CDH13: variants seen among roughly 807,000 people sequenced by gnomAD.
CDH13 encodes cadherin-13.
Under a neutral mutation model 63.8 loss-of-function variants are expected in CDH13, and 24 were observed. The observed-to-expected ratio is 0.38, with a 90% CI of 0.27 to 0.53. The LOEUF (loss-of-function observed/expected upper bound fraction) is 0.53. CDH13 is among the 20% of genes least tolerant of loss of function. The pLI is 0.85. For missense variants in CDH13, 1,049 were observed against 903.1 expected (o/e 1.16, Z -2.07); for synonymous variants, 503 against 355.3 (o/e 1.42, Z -4.67).
At chr16:82,859,440 C>G (rs143102205) in intron 2 of CDH13, 1 of 152,218 alleles carries the variant, frequency 6.6e-6, no homozygotes, top group African/African-American at 2.4e-5. Flanking sequence ...TGCCTATAGT[C>G]CCAGCTACGC....
intron 2 of CDH13, among the ~76,000 whole-genome samples, chr16:82,936,946 A>G (rs527380098): frequency 7.9e-5 from 12 of 152,146 alleles, no homozygotes; most frequent in African/African-American, 1.2e-4. Context: ...CTCCTTTATC[A>G]GGGCCTCTGG....
At chr16:82,645,458 C>A (rs1909981474) in intron 1 of CDH13, among the ~76,000 whole-genome samples, 1 of 152,038 alleles carries the variant, frequency 6.6e-6, no homozygotes, top group Non-Finnish European at 1.5e-5. Context: ...TTTGCAATAT[C>A]TACAGACATG....
intron 2 of CDH13, among the ~76,000 whole-genome samples, chr16:82,889,569 C>A (rs1444622284): frequency 6.6e-6 from 1 of 152,134 alleles, no homozygotes; most frequent in African/African-American, 2.4e-5. Flanking sequence ...TACAATTTTT[C>A]CATGTATCTG....
intron 1 of CDH13, among the ~76,000 whole-genome samples, chr16:82,672,311 G>C (rs1913347547): frequency 6.6e-6 from 1 of 152,098 alleles, no homozygotes; most frequent in Non-Finnish European, 1.5e-5. Context: ...ATTACTCCTT[G>C]ATAGATAGCT....
intron 1 of CDH13, among the ~76,000 whole-genome samples, chr16:82,673,768 C>A (rs16958115): frequency 1.3e-5 from 2 of 152,278 alleles, no homozygotes; most frequent in African/African-American, 4.8e-5. Flanking sequence ...AATGATTGCT[C>A]CACAACTTTA....
intron 4 of CDH13, among the ~76,000 whole-genome samples, chr16:83,160,570 G>C (rs2037405814): frequency 6.6e-6 from 1 of 152,148 alleles, no homozygotes; most frequent in East Asian, 1.9e-4. Flanking sequence ...CTGTCAATGT[G>C]GTGCTCGTGT....
At chr16:82,805,227 T>C (rs1234294832) in intron 1 of CDH13, among the ~76,000 whole-genome samples, 2 of 152,186 alleles carry the variant, frequency 1.3e-5, no homozygotes, top group Non-Finnish European at 2.9e-5. Context: ...AGAGAGGTCT[T>C]GCAACCTAAA....
chr16:82,631,440 AT>A (rs1372751269), intron 1 of CDH13, among the ~76,000 whole-genome samples: 1 of 152,240 alleles, frequency 6.6e-6, no homozygotes, highest in East Asian at 1.9e-4. Context: ...AGAAGGAAAT[AT>A]CCCCCTGTCA....
chr16:83,390,186 C>G (rs373375455), intron 6 of CDH13, among the ~76,000 whole-genome samples: 33 of 149,450 alleles, frequency 2.2e-4, no homozygotes, highest in African/African-American at 7.0e-4. Context: ...CAGAAACACT[C>G]AATTTCATCG....
intron 7 of CDH13, among the ~76,000 whole-genome samples, chr16:83,559,934 GT>G (rs1462125539): frequency 1.3e-5 from 2 of 152,054 alleles, no homozygotes; most frequent in Non-Finnish European, 2.9e-5. Context: ...AGATCAAACA[GT>G]TGGCCAATAT....
chr16:83,510,249 T>C (rs1243670849), intron 7 of CDH13, among the ~76,000 whole-genome samples: 6 of 152,196 alleles, frequency 3.9e-5, no homozygotes, highest in Non-Finnish European at 7.3e-5. Flanking sequence ...TAGTTGGATG[T>C]GTGTAATTTT....
chr16:83,719,939 G>A (rs1254060242), intron 10 of CDH13, among the ~76,000 whole-genome samples: 1 of 152,164 alleles, frequency 6.6e-6, no homozygotes, highest in Non-Finnish European at 1.5e-5. Flanking sequence ...TCCACTGTAG[G>A]AATCTACATC....
chr16:83,063,028 C>T (rs1289121782), intron 3 of CDH13, among the ~76,000 whole-genome samples: 2 of 147,304 alleles, frequency 1.4e-5, no homozygotes, highest in Admixed American at 6.9e-5. Context: ...AGGGTGCGAT[C>T]TCGGCTCACT....
At chr16:83,273,207 G>T (rs1177988928) in intron 5 of CDH13, among the ~76,000 whole-genome samples, 3 of 152,036 alleles carry the variant, frequency 2.0e-5, no homozygotes, top group African/African-American at 7.2e-5. Flanking sequence ...AGGTGCAGGG[G>T]ATACATGTGC....
chr16:83,526,654 T>C (rs1307693887), intron 7 of CDH13, among the ~76,000 whole-genome samples: 1 of 152,208 alleles, frequency 6.6e-6, no homozygotes, highest in Non-Finnish European at 1.5e-5. Context: ...GCCCGGGGGC[T>C]GGCGGCTCCT....
chr16:83,565,065 C>G (rs1191031080), intron 7 of CDH13, among the ~76,000 whole-genome samples: 3 of 152,182 alleles, frequency 2.0e-5, no homozygotes, highest in African/African-American at 7.2e-5. Context: ...TGAGTCTCTC[C>G]CTGCATCACT....
chr16:82,852,287 A>G (rs577375756), intron 1 of CDH13, among the ~76,000 whole-genome samples: 3 of 152,208 alleles, frequency 2.0e-5, no homozygotes, highest in African/African-American at 7.2e-5. Context: ...TTAGTGTACA[A>G]TCAGCTGCTG....
chr16:83,066,436 A>G (rs1230416131), intron 3 of CDH13, among the ~76,000 whole-genome samples: 2 of 152,186 alleles, frequency 1.3e-5, no homozygotes, highest in African/African-American at 4.8e-5. Context: ...TTGCCCAACC[A>G]AGCTGGGAGG....
intron 1 of CDH13, among the ~76,000 whole-genome samples, chr16:82,695,488 G>A (rs903020946): frequency 6.6e-6 from 1 of 152,142 alleles, no homozygotes; most frequent in Non-Finnish European, 1.5e-5. Context: ...CCAATGGTGA[G>A]CAGGAAGGAC....
Sources: gnomAD v4.1 joint callset for allele counts (sites outside exome capture counted in the v4.1 genomes callset) on GRCh38, gnomAD v4.1.1 for gene constraint, MANE v1.5 for transcripts, NCBI Gene and HGNC (gene_info 2026-07-23, HGNC 2026-07-21) for gene names.